Variants in FGF14 observed in about 807,000 individuals in gnomAD.
The protein encoded by FGF14 is fibroblast growth factor 14.
Under a neutral mutation model 25.5 loss-of-function variants are expected in FGF14, and 5 were observed. That is an observed-to-expected ratio of 0.20 (90% CI 0.10 to 0.41). FGF14 has a LOEUF of 0.41. FGF14 is among the 10% of genes least tolerant of loss of function. FGF14 has a pLI of 1.00. For synonymous variants in FGF14, 138 were observed against 118.3 expected (o/e 1.17, Z -1.08); for missense variants, 222 against 320.1 (o/e 0.69, Z 2.34).
At chr13:102,350,645 C>T (rs146024459) in intron 1 of FGF14, among the ~76,000 whole-genome samples, 1 of 152,300 alleles carries the variant, frequency 6.6e-6, no homozygotes, top group East Asian at 1.9e-4. Flanking sequence ...CTGCCATAGC[C>T]TTTGTATAGA....
At chr13:102,304,335 A>T (rs2055248994) in intron 1 of FGF14, among the ~76,000 whole-genome samples, 1 of 151,962 alleles carries the variant, frequency 6.6e-6, no homozygotes, top group Non-Finnish European at 1.5e-5. Flanking sequence ...TCCTGTTGCT[A>T]CTCTGATCCT....
chr13:101,922,085 G>C (rs1017306913), intron 1 of FGF14, among the ~76,000 whole-genome samples: 1 of 152,132 alleles, frequency 6.6e-6, no homozygotes, highest in Non-Finnish European at 1.5e-5. Context: ...CAGGCAAGTA[G>C]GTGCTCAATA....
At chr13:102,107,537 T>C (rs1262051144) in intron 1 of FGF14, among the ~76,000 whole-genome samples, 1 of 151,970 alleles carries the variant, frequency 6.6e-6, no homozygotes, top group Non-Finnish European at 1.5e-5. Flanking sequence ...TGGAGGAGAA[T>C]AAAAACAAGA....
intron 1 of FGF14, among the ~76,000 whole-genome samples, chr13:102,311,426 C>T (rs1287774298): frequency 6.6e-6 from 1 of 152,108 alleles, no homozygotes; most frequent in African/African-American, 2.4e-5. Context: ...ATAATGGTGT[C>T]TTTAATTCTA....
intron 3 of FGF14, among the ~76,000 whole-genome samples, chr13:101,854,933 A>T (rs1444933162): frequency 6.6e-6 from 1 of 152,024 alleles, no homozygotes; most frequent in South Asian, 2.1e-4. Context: ...AACTATAACA[A>T]AGAGAAAAAT....
At chr13:101,936,365 C>T (rs1373282453) in intron 1 of FGF14, among the ~76,000 whole-genome samples, 4 of 152,266 alleles carry the variant, frequency 2.6e-5, no homozygotes, top group East Asian at 1.9e-4. Flanking sequence ...CCTTCAGGTG[C>T]CCTAAAGTCC....
chr13:102,123,083 A>G (rs2045801386), intron 1 of FGF14, among the ~76,000 whole-genome samples: 1 of 152,208 alleles, frequency 6.6e-6, no homozygotes, highest in African/African-American at 2.4e-5. Flanking sequence ...AGGTAGTGAG[A>G]TACCTAGAAA....
At chr13:101,853,092 G>A (rs766285014) in intron 3 of FGF14, among the ~76,000 whole-genome samples, 21 of 152,098 alleles carry the variant, frequency 1.4e-4, no homozygotes, top group Admixed American at 8.5e-4. Context: ...GACACAATGA[G>A]AGAGATGGTT....
At chr13:101,978,963 A>G (rs1376606412) in intron 1 of FGF14, among the ~76,000 whole-genome samples, 2 of 152,222 alleles carry the variant, frequency 1.3e-5, no homozygotes, top group Non-Finnish European at 2.9e-5. Context: ...CAGAGAGCCA[A>G]AGGAAAGGAG....
upstream of FGF14, among the ~76,000 whole-genome samples, chr13:101,917,104 G>GCGTC (rs1434584976): frequency 1.3e-5 from 2 of 151,572 alleles, no homozygotes; most frequent in African/African-American, 2.4e-5. Flanking sequence ...GGGTCTCTGC[G>GCGTC]CGTCCGTCGG....
rs549471561 is a variant in FGF14, at chr13:101,816,025, C to T, written c.408+52700G>A. 1.5e-3 allele frequency among the ~76,000 whole-genome samples: 224 copies of T among 151,864 alleles called. 1 individual carries two copies. The highest frequency in any genetic ancestry group is 6.8e-3 in the Middle Eastern group (2 of 294). ...GGTGGCTCACGCCTGTATCCTAGCA[C>T]TTTGGGAGGCCGAGACGGGCGGATC... On this transcript the variant is annotated intron_variant, in intron 3 of 4. Transcript: ENST00000376143.
At chr13:102,274,070 G>T (rs1418604372) in intron 1 of FGF14, among the ~76,000 whole-genome samples, 1 of 152,138 alleles carries the variant, frequency 6.6e-6, no homozygotes, top group African/African-American at 2.4e-5. Context: ...ACCTTGAGGG[G>T]TTTGTTGAGA....
intron 1 of FGF14, among the ~76,000 whole-genome samples, chr13:101,992,083 A>C (rs967985307): frequency 1.3e-5 from 2 of 152,158 alleles, no homozygotes; most frequent in African/African-American, 4.8e-5. Flanking sequence ...AAGGCTCACT[A>C]AACACTCAGA....
At chr13:102,014,391 C>T (rs1370816672) in intron 1 of FGF14, among the ~76,000 whole-genome samples, 1 of 152,002 alleles carries the variant, frequency 6.6e-6, no homozygotes, top group Admixed American at 6.5e-5. Context: ...TGACCAGAAC[C>T]AGGCATATTC....
chr13:102,099,439 G>C (rs977411328), intron 1 of FGF14, among the ~76,000 whole-genome samples: 1 of 152,154 alleles, frequency 6.6e-6, no homozygotes, highest in Non-Finnish European at 1.5e-5. Flanking sequence ...AGGGTTCTTA[G>C]AGCCAGATTG....
intron 1 of FGF14, among the ~76,000 whole-genome samples, chr13:102,188,987 A>G (rs528040888): frequency 1.5e-5 from 1 of 66,576 alleles, no homozygotes; most frequent in African/African-American, 7.4e-5. Context: ...AAAGAAAGAA[A>G]GAAAGAAAGA....
At chr13:102,111,512 C>T (rs947317277) in intron 1 of FGF14, among the ~76,000 whole-genome samples, 2 of 151,956 alleles carry the variant, frequency 1.3e-5, no homozygotes, top group South Asian at 2.1e-4. Context: ...CACAGGAGTT[C>T]GAGAACAGCC....
intron 1 of FGF14, among the ~76,000 whole-genome samples, chr13:102,275,381 C>T (rs1391925903): frequency 2.0e-5 from 3 of 151,716 alleles, no homozygotes; most frequent in African/African-American, 7.3e-5. Context: ...GAATTTAAAT[C>T]ATAACATCTG....
intron 1 of FGF14, among the ~76,000 whole-genome samples, chr13:101,915,084 T>C (rs1159314460): frequency 6.6e-6 from 1 of 152,232 alleles, no homozygotes; most frequent in African/African-American, 2.4e-5. Context: ...AAGTTCTTAT[T>C]TTACTTATAT....
Sources: allele counts gnomAD v4.1 joint callset (sites outside exome capture counted in the v4.1 genomes callset), GRCh38; gene constraint gnomAD v4.1.1; transcripts MANE v1.5; gene names NCBI Gene and HGNC (gene_info 2026-07-23, HGNC 2026-07-21).